Variants in MOSPD1 observed in about 807,000 individuals in gnomAD.
MOSPD1 encodes motile sperm domain-containing protein 1.
Under a neutral mutation model 16.7 loss-of-function variants are expected in MOSPD1, and 5 were observed. The ratio of observed to expected loss-of-function variants is 0.30; its 90% CI spans 0.16 to 0.63. The LOEUF (loss-of-function observed/expected upper bound fraction) is 0.63. Among genes scored for constraint, MOSPD1 ranks in the 30% least tolerant of loss-of-function variants. MOSPD1 has a pLI of 0.82. For missense variants in MOSPD1, 104 were observed against 153.6 expected (o/e 0.68, Z 1.71); for synonymous variants, 67 against 59.2 (o/e 1.13, Z -0.61).
intron 4 of MOSPD1, among the ~76,000 whole-genome samples, chrX:134,896,352 A>AT (rs5903886): frequency 2.1e-3 from 220 of 104,652 alleles, no homozygotes; most frequent in African/African-American, 5.7e-3. Context: ...CTTTAATGAG[A>AT]TTTTTTTTTT....
chrX:134,898,558 C>A (rs775084305), intron 3 of MOSPD1, among the ~76,000 whole-genome samples: 4 of 112,040 alleles, frequency 3.6e-5, no homozygotes, highest in African/African-American at 1.3e-4. Flanking sequence ...AATCATTTAT[C>A]TGACACTCTA....
intron 1 of MOSPD1, among the ~76,000 whole-genome samples, chrX:134,901,985 T>C (rs2082913530): frequency 8.9e-6 from 1 of 112,166 alleles, no homozygotes; most frequent in Non-Finnish European, 1.9e-5. Context: ...TTATATAGAC[T>C]GAATGAATTA....
intron 4 of MOSPD1, among the ~76,000 whole-genome samples, chrX:134,895,984 C>G (rs370186548): frequency 9.0e-6 from 1 of 110,974 alleles, no homozygotes; most frequent in Non-Finnish European, 1.9e-5. Flanking sequence ...CAAACTGATA[C>G]GACTGAATGT....
At chrX:134,895,225 T>C (rs2148392177) in intron 4 of MOSPD1, among the ~76,000 whole-genome samples, 1 of 110,346 alleles carries the variant, frequency 9.1e-6, no homozygotes, top group East Asian at 2.8e-4. Context: ...CTCGGGAGGC[T>C]GAGGCAGGAG....
At chrX:134,893,685 C>G (rs2082872890) in intron 4 of MOSPD1, among the ~76,000 whole-genome samples, 1 of 111,164 alleles carries the variant, frequency 9.0e-6, no homozygotes, top group South Asian at 3.7e-4. Context: ...ATTATACATA[C>G]TGTTATATAA....
chrX:134,899,151 G>A lies in MOSPD1; in HGVS notation c.169C>T (p.Pro57Ser), dbSNP rs2082899964. 1 of 1,202,049 alleles carries A rather than the reference G, an allele frequency of 8.3e-7. No homozygotes were observed. The highest frequency in any genetic ancestry group is 1.8e-5 in the African/African-American group (1 of 56,396). Reference protein sequence around the residue: ...ALKFKVLCTTPNKYVVVDAAG... With the variant: ...ALKFKVLCTTSNKYVVVDAAG... ...GCATCAACGACAACATACTTATTTG[G>A]AGTAGTACACAAAACTGAAAGAAAA... is the stretch of plus-strand genomic sequence containing the variant. Residue 57 changes from proline to serine, a missense_variant, in exon 3 of 6, where the codon CCA becomes TCA. Physicochemically the swap from Pro to Ser is moderately conservative, Grantham distance 74. Coordinates refer to ENST00000370783, the MANE Select transcript of MOSPD1 (RefSeq NM_019556.3).
chrX:134,894,933 A>G (rs1368841815), intron 4 of MOSPD1, among the ~76,000 whole-genome samples: 1 of 112,000 alleles, frequency 8.9e-6, no homozygotes, highest in Non-Finnish European at 1.9e-5. Flanking sequence ...AATGGATTAG[A>G]TAATTTTTTC....
chrX:134,896,327 TTTAA>T (rs1157949385), intron 4 of MOSPD1, among the ~76,000 whole-genome samples: 4 of 110,147 alleles, frequency 3.6e-5, no homozygotes, highest in Non-Finnish European at 7.6e-5. Context: ...ATCTACTTAG[TTTAA>T]TTAACTTCAA....
chrX:134,910,985 C>CT (rs1256587503), intron 1 of MOSPD1, among the ~76,000 whole-genome samples: 1 of 112,390 alleles, frequency 8.9e-6, no homozygotes, highest in Admixed American at 9.5e-5. Context: ...CCACACTAAA[C>CT]TTTGAGAACC....
chrX:134,898,993 G>A, intron 3 of MOSPD1, 97 bp downstream of exon 3: 1 of 768,140 alleles, frequency 1.3e-6, no homozygotes, highest in Non-Finnish European at 1.9e-6. Context: ...AAATGCCTAT[G>A]TGAGAACAGC....
At chrX:134,906,849 T>C (rs372654784) in intron 1 of MOSPD1, among the ~76,000 whole-genome samples, 1 of 111,862 alleles carries the variant, frequency 8.9e-6, no homozygotes, top group South Asian at 3.7e-4. Context: ...AAGAGACTTA[T>C]CCAAGGTTGC....
At chrX:134,892,542 A>G (rs1250311988) in intron 4 of MOSPD1, among the ~76,000 whole-genome samples, 1 of 112,586 alleles carries the variant, frequency 8.9e-6, no homozygotes, top group East Asian at 2.8e-4. Flanking sequence ...TTTTATTTAC[A>G]TGAACATTCA....
At chrX:134,897,083 C>A in intron 3 of MOSPD1, 49 bp from the exon 4 acceptor site, 1 of 891,586 alleles carries the variant, frequency 1.1e-6, no homozygotes, top group Non-Finnish European at 1.6e-6. Context: ...TGGGGGCCGG[C>A]CAAACAGAAG....
At chrX:134,905,085 C>T (rs1269824113) in intron 1 of MOSPD1, among the ~76,000 whole-genome samples, 13 of 104,517 alleles carry the variant, frequency 1.2e-4, no homozygotes, top group Admixed American at 1.0e-3. Flanking sequence ...TAAGGCCGGG[C>T]GCGGTGGCTC....
At chrX:134,902,521 G>A (rs759381003) in intron 1 of MOSPD1, among the ~76,000 whole-genome samples, 9 of 111,109 alleles carry the variant, frequency 8.1e-5, no homozygotes, top group South Asian at 3.8e-4. Context: ...GGCTAGATGC[G>A]GTGGCTCATG....
chrX:134,889,503 C>A (rs1211448194), intron 5 of MOSPD1, among the ~76,000 whole-genome samples: 1 of 112,175 alleles, frequency 8.9e-6, no homozygotes, highest in Admixed American at 9.5e-5. Context: ...CATTTTGAAG[C>A]ATGGGTAAAG....
chrX:134,890,670 T>C (rs944816523), intron 5 of MOSPD1, among the ~76,000 whole-genome samples: 6 of 110,368 alleles, frequency 5.4e-5, no homozygotes, highest in Admixed American at 9.7e-5. Context: ...TAGCCTGATG[T>C]GGTGGTGCAT....
At chrX:134,901,153 T>C (rs770192027) in intron 1 of MOSPD1, among the ~76,000 whole-genome samples, 5 of 111,920 alleles carry the variant, frequency 4.5e-5, no homozygotes, top group Admixed American at 9.6e-5. Context: ...TGGACATCTA[T>C]TATATGCCAA....
intron 5 of MOSPD1, 56 bp from the exon 6 acceptor site, chrX:134,889,248 T>C (rs2082849743): frequency 1.0e-6 from 1 of 960,137 alleles, no homozygotes; most frequent in Non-Finnish European, 1.4e-6. Context: ...GAATCTTTCA[T>C]TCAATAAGCA....
Sources: gnomAD v4.1 joint callset for allele counts (sites outside exome capture counted in the v4.1 genomes callset) on GRCh38, gnomAD v4.1.1 for gene constraint, MANE v1.5 for transcripts, NCBI Gene and HGNC (gene_info 2026-07-23, HGNC 2026-07-21) for gene names.